PLCZ1: variants seen among roughly 807,000 people sequenced by gnomAD.
The protein encoded by PLCZ1 is 1-phosphatidylinositol 4,5-bisphosphate phosphodiesterase zeta-1.
A neutral mutation model predicts 76.8 loss-of-function variants in PLCZ1; 64 were observed. That is an observed-to-expected ratio of 0.83 (90% CI 0.68 to 1.03). The LOEUF (loss-of-function observed/expected upper bound fraction) is 1.03. PLCZ1 is among the 50% of genes least tolerant of loss of function. PLCZ1 has a pLI of 0.00. For synonymous variants in PLCZ1, 248 were observed against 230.8 expected (o/e 1.07, Z -0.68); for missense variants, 751 against 713.7 (o/e 1.05, Z -0.60).
At chr12:18,709,950 A>T (rs10459066) in intron 6 of PLCZ1, among the ~76,000 whole-genome samples, 67,783 of 151,258 alleles carry the variant, frequency 0.45, 17,450 homozygotes, top group South Asian at 0.62. Flanking sequence ...AATTTCTTTC[A>T]ATTAGGTCAC....
chr12:18,677,771 A>T, the PLCZ1 span, among the ~76,000 whole-genome samples: 1 of 152,120 alleles, frequency 6.6e-6, no homozygotes, highest in South Asian at 2.1e-4. Flanking sequence ...AACAAAAATA[A>T]TTATTTGTGT....
At chr12:18,692,560 T>C (rs1043753619) in intron 12 of PLCZ1, among the ~76,000 whole-genome samples, 1 of 151,446 alleles carries the variant, frequency 6.6e-6, no homozygotes, top group African/African-American at 2.4e-5. Context: ...AAGACGAGAG[T>C]CTGGAGGAAA....
At chr12:18,684,086 A>G (rs1952730146) in intron 14 of PLCZ1, 44 bp downstream of exon 14, 4 of 1,600,440 alleles carry the variant, frequency 2.5e-6, no homozygotes, top group Non-Finnish European at 2.6e-6. Context: ...TACACAAGTT[A>G]TATTTAAATG....
chr12:18,716,087 A>G (rs1957953426), intron 5 of PLCZ1, among the ~76,000 whole-genome samples: 1 of 152,148 alleles, frequency 6.6e-6, no homozygotes, highest in Non-Finnish European at 1.5e-5. Flanking sequence ...TTGGAGAAGA[A>G]ACAATGTTTA....
chr12:18,734,778 G>C (rs1185394709), intron 3 of PLCZ1, among the ~76,000 whole-genome samples: 1 of 152,110 alleles, frequency 6.6e-6, no homozygotes, highest in African/African-American at 2.4e-5. Flanking sequence ...TTGACTAATT[G>C]CTTTGGCTAG....
the PLCZ1 span, among the ~76,000 whole-genome samples, chr12:18,664,764 C>G: frequency 6.6e-6 from 1 of 151,220 alleles, no homozygotes; most frequent in East Asian, 1.9e-4. Context: ...ATCCAAATGT[C>G]CAACAATGAT....
chr12:18,677,009 AT>A, the PLCZ1 span, among the ~76,000 whole-genome samples: 3 of 152,104 alleles, frequency 2.0e-5, no homozygotes, highest in Non-Finnish European at 4.4e-5. Context: ...GATATTTGTC[AT>A]AAATCACCAT....
rs369465707 is a variant in PLCZ1 at position 18,703,175 on chromosome 12, T to G, written c.865-1399A>C. On this transcript the variant is annotated intron_variant, in intron 7 of 14. Coordinates refer to ENST00000266505, the MANE Select transcript of PLCZ1 (RefSeq NM_033123.4). ...TCTTTGATGATATGTTTCGAAATTC[T>G]TTACTATTTCTTTCCACCACAATTG... is the stretch of plus-strand genomic sequence containing the variant. Among the ~76,000 whole-genome samples, 5 of 152,204 alleles carry G rather than the reference T, an allele frequency of 3.3e-5. No individual in the cohort carries two copies. The East Asian group carries it at 9.6e-4, about 29-fold the overall frequency.
At position 18,713,089 on chromosome 12, in the gene PLCZ1, A is replaced by G. The variant is rs1384541322; in HGVS notation, c.570-103T>C. On this transcript the variant is annotated intron_variant, in intron 5 of 14. Coordinates refer to ENST00000266505, the MANE Select transcript of PLCZ1 (RefSeq NM_033123.4). ...GACCATTTGATTTTATAATAAATGCATAAATGAGTCCATAAAACTCTATAA... is the reference window on the plus strand; with the variant it reads ...GACCATTTGATTTTATAATAAATGCGTAAATGAGTCCATAAAACTCTATAA... 67 of 1,426,984 alleles carry G rather than the reference A, an allele frequency of 4.7e-5. No individual in the cohort carries two copies. In the Middle Eastern group the frequency reaches 1.3e-3, roughly 27 times the overall value. The allele number at this position is 1,426,984 out of a possible 1,614,324, so 88.4% of individuals were successfully genotyped here.
chr12:18,692,751 G>A, intron 12 of PLCZ1: 1 of 1,165,312 alleles, frequency 8.6e-7, no homozygotes, highest in Admixed American at 1.7e-5. Context: ...AGCTCTCCCA[G>A]GCCAAGGCAA....
chr12:18,735,042 T>G (rs1211159733), intron 3 of PLCZ1, among the ~76,000 whole-genome samples: 3 of 152,220 alleles, frequency 2.0e-5, no homozygotes, highest in Non-Finnish European at 2.9e-5. Context: ...TCTGTTAATG[T>G]GGTGTATCAC....
At chr12:18,704,622 G>A (rs192008918) in intron 7 of PLCZ1, among the ~76,000 whole-genome samples, 18 of 151,980 alleles carry the variant, frequency 1.2e-4, no homozygotes, top group Admixed American at 3.3e-4. Context: ...TCACTGCACC[G>A]GGCCATAGAG....
chr12:18,720,743 T>A (rs1175206855), intron 4 of PLCZ1, among the ~76,000 whole-genome samples: 1 of 152,046 alleles, frequency 6.6e-6, no homozygotes, highest in Admixed American at 6.6e-5. Context: ...CCTATGGAAG[T>A]AGAGACTCAG....
chr12:18,701,666 T>C (rs1955948150), intron 8 of PLCZ1, 26 bp downstream of exon 8: 6 of 1,593,588 alleles, frequency 3.8e-6, no homozygotes, highest in African/African-American at 1.4e-5. Context: ...CATCTGCCAC[T>C]TCTTCTTCCC....
intron 12 of PLCZ1, chr12:18,692,882 AAAG>A: frequency 1.9e-6 from 3 of 1,602,660 alleles, no homozygotes; most frequent in Non-Finnish European, 1.7e-6. Flanking sequence ...CAGTGGGGAA[AAAG>A]AAGAAGAAAA....
intron 10 of PLCZ1, among the ~76,000 whole-genome samples, chr12:18,697,988 G>A (rs1282766794): frequency 6.6e-6 from 1 of 151,644 alleles, no homozygotes; most frequent in African/African-American, 2.4e-5. Flanking sequence ...CAAAATTTTT[G>A]CAAGTATTTA....
chr12:18,716,345 T>C (rs1565722559), intron 5 of PLCZ1, among the ~76,000 whole-genome samples: 1 of 152,190 alleles, frequency 6.6e-6, no homozygotes, highest in Non-Finnish European at 1.5e-5. Flanking sequence ...ATTTTATCCA[T>C]GGATCAAGTC....
At chr12:18,698,675 T>C (rs929402966) in intron 10 of PLCZ1, among the ~76,000 whole-genome samples, 16 of 152,134 alleles carry the variant, frequency 1.1e-4, no homozygotes, top group African/African-American at 3.9e-4. Flanking sequence ...TAAATATATT[T>C]ATGGAGTACA....
chr12:18,648,086 G>T, the PLCZ1 span: 2 of 1,071,102 alleles, frequency 1.9e-6, no homozygotes, highest in Non-Finnish European at 1.3e-6. Flanking sequence ...TCACTTCTGG[G>T]CCTCTGAATC....
Sources: gnomAD v4.1 joint callset for allele counts (sites outside exome capture counted in the v4.1 genomes callset) on GRCh38, gnomAD v4.1.1 for gene constraint, MANE v1.5 for transcripts, NCBI Gene and HGNC (gene_info 2026-07-23, HGNC 2026-07-21) for gene names.